Variants in C11orf16 observed in about 807,000 individuals in gnomAD.
C11orf16 encodes chromosome 11 open reading frame 16.
In C11orf16, 38 loss-of-function variants were observed where a neutral mutation model predicts 45.1. That is an observed-to-expected ratio of 0.84 (90% CI 0.65 to 1.10). The LOEUF is 1.10. Among genes scored for constraint, C11orf16 ranks in the 50% least tolerant of loss-of-function variants. C11orf16 has a pLI of 0.00. For missense variants in C11orf16, 583 were observed against 569.5 expected, an observed-to-expected ratio of 1.02 and a Z score of -0.24; for synonymous variants, 221 against 222.0, an observed-to-expected ratio of 1.00 and a Z score of 0.04.
At chr11:8,929,557 G>A (rs1236885125) in intron 2 of C11orf16, 24 bp from the exon 3 acceptor site, 1 of 1,598,768 alleles carries the variant, frequency 6.3e-7, no homozygotes, top group Non-Finnish European at 8.5e-7. Flanking sequence ...AATGGAATTA[G>A]TGGATAGAGA....
At chr11:8,926,180 CTTTTCTTTTTTTTT>C (rs1160755498) in intron 4 of C11orf16, 73 bp from the exon 5 acceptor site, 6 of 987,624 alleles carry the variant, frequency 6.1e-6, no homozygotes, top group Non-Finnish European at 8.2e-6. Flanking sequence ...TTCTTTTTTT[CTTTTCTTTTTTTTT>C]TTTTTTTTTT....
intron 2 of C11orf16, among the ~76,000 whole-genome samples, chr11:8,931,490 A>G (rs948177657): frequency 4.6e-5 from 7 of 152,138 alleles, no homozygotes; most frequent in Admixed American, 2.6e-4. Context: ...TTCCGAGTTC[A>G]AGCAATTCTC....
chr11:8,924,529 A>AAACAAC (rs372748329), intron 5 of C11orf16, among the ~76,000 whole-genome samples: 19 of 151,486 alleles, frequency 1.3e-4, no homozygotes, highest in African/African-American at 2.4e-4. Context: ...CTTTGTCTCA[A>AAACAAC]AACAACAACA....
Position 8,925,613 on chromosome 11 carries a change from C to G in C11orf16, c.1054G>C (p.Glu352Gln), listed in dbSNP as rs759272810. The change falls in exon 5 of 7, where the codon GAG (glutamate) becomes CAG (glutamine). Residue 352 changes from glutamate to glutamine, a missense_variant. Transcript: ENST00000326053. ...CEQDGVENDL[E>Q]MGPPQRLMVN... ...ATCAGTCTCTGGGGAGGGCCCATCT[C>G]CAGATCATTCTCCACACCGTCTTGT... 5.6e-6 allele frequency: 9 copies of G among 1,614,170 alleles called. No homozygotes were observed. Among genetic ancestry groups the G allele is most frequent in the Non-Finnish European group, 2.5e-6 (3 of 1,180,064 alleles).
At chr11:8,921,847 C>T (rs1191241748) in intron 5 of C11orf16, among the ~76,000 whole-genome samples, 1 of 152,130 alleles carries the variant, frequency 6.6e-6, no homozygotes, top group Non-Finnish European at 1.5e-5. Flanking sequence ...CACTATGTTG[C>T]CCAGGCTGGT....
chr11:8,927,763 C>T (rs1243264958), intron 3 of C11orf16: 2 of 410,234 alleles, frequency 4.9e-6, no homozygotes, highest in Non-Finnish European at 1.0e-5. Flanking sequence ...CTTAAAAGTA[C>T]AAGCTGTTTC....
rs1400689444 is a variant in C11orf16 at position 8,920,095 on chromosome 11, T to C, written c.*378A>G. Reference sequence around the variant, plus strand: ...TGGAAATGAAGAGAATTCATTTTTATTAAGAGGTGAAACAAAATGTCACTC... The same window carrying C: ...TGGAAATGAAGAGAATTCATTTTTACTAAGAGGTGAAACAAAATGTCACTC... On this transcript the variant is annotated 3_prime_UTR_variant, in exon 7 of 7. Coordinates refer to ENST00000326053, the MANE Select transcript of C11orf16 (RefSeq NM_020643.3). 1.5e-5 allele frequency: 4 copies of C among 261,338 alleles called. No homozygotes were observed. In the East Asian group the frequency reaches 2.7e-4, roughly 17 times the overall value. The allele number at this position is 261,338 out of a possible 1,614,324, so 16.2% of individuals were successfully genotyped here.
chr11:8,926,175 TTTTTC>T (rs1566112567), intron 4 of C11orf16, 68 bp from the exon 5 acceptor site: 5 of 1,378,052 alleles, frequency 3.6e-6, no homozygotes, highest in East Asian at 2.4e-5. Context: ...CTTTTTTCTT[TTTTTC>T]TTTTCTTTTT....
At chr11:8,929,169 A>T in intron 3 of C11orf16, 1 of 525,008 alleles carries the variant, frequency 1.9e-6, no homozygotes, top group Non-Finnish European at 3.3e-6. Flanking sequence ...TCTGTGGTTT[A>T]AGCCACTCCG....
At chr11:8,931,081 G>A (rs924994028) in intron 2 of C11orf16, among the ~76,000 whole-genome samples, 6 of 152,126 alleles carry the variant, frequency 3.9e-5, no homozygotes, top group African/African-American at 1.4e-4. Context: ...TTGTATCCAC[G>A]CTTTAGAAAG....
rs778842362 is a variant in C11orf16, at chr11:8,925,566, T to C, written c.1101A>G (p.Thr367=). The change falls in exon 5 of 7, where the codon ACA becomes ACG. Residue 367 remains threonine, a synonymous_variant. Coordinates refer to ENST00000326053, the MANE Select transcript of C11orf16 (RefSeq NM_020643.3). ...GAGGCATCTCAAGAAAGATGGGATC[T>C]GTGTTGACTGCACTGTTCACCATCA... ...QRLMVNSAVN[T]DPIFLEMPLR... The C allele has an allele frequency of 3.7e-6, 6 of 1,614,266 alleles. No homozygotes were observed. The highest frequency in any genetic ancestry group is 5.1e-6 in the Non-Finnish European group (6 of 1,180,042).
rs760434607 is a variant in C11orf16, at chr11:8,925,991, G to GCAGC, written c.672_675dup (p.His226AlafsTer31). Reference sequence around the variant, plus strand: ...GGGTGCTCCCTGGTGAAAGACTTGTGCAGCCTCTCCACAGCCTTCTTCCAG... The same window carrying GCAGC: ...GGGTGCTCCCTGGTGAAAGACTTGTGCAGCCAGCCTCTCCACAGCCTTCTTCCAG... On this transcript the variant is annotated frameshift_variant, in exon 5 of 7. Coordinates refer to ENST00000326053, the MANE Select transcript of C11orf16 (RefSeq NM_020643.3). LOFTEE classifies it high-confidence loss of function. The GCAGC allele has an allele frequency of 6.2e-7, 1 of 1,614,086 alleles. No homozygotes were observed. The highest frequency in any genetic ancestry group is 8.5e-7 in the Non-Finnish European group (1 of 1,180,010).
Position 8,925,998 on chromosome 11 carries a change from C to T in C11orf16, c.669G>A (p.Glu223=). 1 of 1,614,144 alleles carries T rather than the reference C, an allele frequency of 6.2e-7. No individual in the cohort carries two copies. Among genetic ancestry groups the T allele is most frequent in the Non-Finnish European group, 8.5e-7 (1 of 1,180,020 alleles). The change falls in exon 5 of 7, where the codon GAG becomes GAA. Residue 223 remains glutamate, a synonymous_variant. Transcript: ENST00000326053. ...CCCTGGTGAAAGACTTGTGCAGCCT[C>T]TCCACAGCCTTCTTCCAGATGGTCA... is the stretch of plus-strand genomic sequence containing the variant. ...VSLTIWKKAV[E]RLHKSFTREH...
Position 8,927,084 on chromosome 11 carries a change from C to G in C11orf16, c.415G>C (p.Glu139Gln). The G allele has an allele frequency of 1.2e-6, 2 of 1,614,166 alleles. No homozygotes were observed. The highest frequency in any genetic ancestry group is 2.2e-5 in the East Asian group (1 of 44,880). The change falls in exon 4 of 7, where the codon GAA (glutamate) becomes CAA (glutamine). Residue 139 changes from glutamate (E) to glutamine (Q), a missense_variant. Glu to Gln is a conservative substitution (Grantham distance 29, BLOSUM62 2). Transcript: ENST00000326053. ...GGTGAGAGAGGAATGACATCCTCTT[C>G]TAAGACCACTCTCTGCTGCTGGGCT... ...LPAQQQRVVL[E>Q]EDVIPLSPSV... is the part of the protein sequence containing the mutation.
In C11orf16 at chr11:8,927,420, C is replaced by G. The variant is rs1036609521; in HGVS notation, c.325-246G>C. The G allele has an allele frequency of 7.1e-5, 40 of 559,790 alleles. No homozygotes were observed. The Middle Eastern group carries it at 1.4e-3, about 20-fold the overall frequency. The allele number at this position is 559,790 out of a possible 1,614,324, so 34.7% of individuals were successfully genotyped here. A position where few individuals can be genotyped will look rare whatever the true frequency, so the allele number is the denominator to read the frequency against. On this transcript the variant is annotated intron_variant, in intron 3 of 6. Coordinates refer to ENST00000326053, the MANE Select transcript of C11orf16 (RefSeq NM_020643.3). The stretch of plus-strand genomic sequence containing the variant: ...TCGGGCAACTCTTGTGGATCACTTC[C>G]TGCCTCTGCCTTTCCATTCCCTTCC...
rs775617723 is a variant in C11orf16 at position 8,921,483 on chromosome 11, TTTC to T, written c.1234_1236del (p.Glu412del). 41 of 1,614,230 alleles carry T rather than the reference TTTC, an allele frequency of 2.5e-5. No homozygotes were observed. The African/African-American group carries it at 3.5e-4, about 14-fold the overall frequency. On this transcript the variant is annotated inframe_deletion, in exon 6 of 7. Coordinates refer to ENST00000326053, the MANE Select transcript of C11orf16 (RefSeq NM_020643.3). ...TGTGCTCTCTGCTGTTTGTGATCCTTTTCTTCTTTGCAGATGTTGGAATATCTT... is the reference window on the plus strand; with the variant it reads ...TGTGCTCTCTGCTGTTTGTGATCCTTTTCTTTGCAGATGTTGGAATATCTT...
chr11:8,922,893 G>T (rs1589931672), intron 5 of C11orf16, among the ~76,000 whole-genome samples: 1 of 152,172 alleles, frequency 6.6e-6, no homozygotes, highest in African/African-American at 2.4e-5. Flanking sequence ...CACACATGTG[G>T]TGAGGGCGGG....
chr11:8,930,788 C>T (rs573212402), intron 2 of C11orf16, among the ~76,000 whole-genome samples: 1 of 152,208 alleles, frequency 6.6e-6, no homozygotes, highest in Non-Finnish European at 1.5e-5. Context: ...CATGCCGTCA[C>T]TGCACCCAGG....
chr11:8,926,005 G>C lies in C11orf16; in HGVS notation c.662C>G (p.Ala221Gly). ...GAAAGACTTGTGCAGCCTCTCCACA[G>C]CCTTCTTCCAGATGGTCAGGGACAC... ...QSVSLTIWKK[A>G]VERLHKSFTR... The change falls in exon 5 of 7, where the codon GCT becomes GGT. Residue 221 changes from alanine to glycine, a missense_variant. Physicochemically the swap from Ala to Gly is moderately conservative, Grantham distance 60. Transcript: ENST00000326053. 6.2e-7 allele frequency: 1 copy of C among 1,614,128 alleles called. No individual in the cohort carries two copies. Among genetic ancestry groups the C allele is most frequent in the Non-Finnish European group, 8.5e-7 (1 of 1,180,014 alleles).
Sources: gnomAD v4.1 joint callset for allele counts (sites outside exome capture counted in the v4.1 genomes callset) on GRCh38, gnomAD v4.1.1 for gene constraint, MANE v1.5 for transcripts, NCBI Gene and HGNC (gene_info 2026-07-23, HGNC 2026-07-21) for gene names.